The following ESYT2 variants were observed in gnomAD, a reference collection of about 807,000 sequenced individuals.
ESYT2 encodes the protein extended synaptotagmin-2.
Under a neutral mutation model 107.2 loss-of-function variants are expected in ESYT2, and 54 were observed. That is an observed-to-expected ratio of 0.50 (90% CI 0.40 to 0.63). ESYT2 has a LOEUF of 0.63. Among genes scored for constraint, ESYT2 ranks in the 30% least tolerant of loss-of-function variants. ESYT2 has a pLI of 0.00. For missense variants in ESYT2, 1,020 were observed against 1,094.5 expected, an observed-to-expected ratio of 0.93 and a Z score of 0.96; for synonymous variants, 491 against 434.1, an observed-to-expected ratio of 1.13 and a Z score of -1.63.
intron 17 of ESYT2, 108 bp downstream of exon 17, chr7:158,743,421 G>A (rs1161217511): frequency 1.4e-6 from 2 of 1,433,634 alleles, no homozygotes; most frequent in Non-Finnish European, 1.9e-6. Flanking sequence ...CAGAGCTGCA[G>A]CCGACACAGA....
chr7:158,756,677 G>A (rs565860614), intron 13 of ESYT2, among the ~76,000 whole-genome samples: 2 of 152,194 alleles, frequency 1.3e-5, no homozygotes, highest in African/African-American at 4.8e-5. Flanking sequence ...GGGAGGCCGA[G>A]GGGGGTGGAC....
At chr7:158,743,388 T>A in intron 17 of ESYT2, 141 bp downstream of exon 17, 1 of 1,031,080 alleles carries the variant, frequency 9.7e-7, no homozygotes, top group East Asian at 2.9e-5. Context: ...ATCTCCTCCC[T>A]GCACCGGCGC....
At chr7:158,771,709 C>T (rs569639763) in intron 7 of ESYT2, among the ~76,000 whole-genome samples, 7 of 152,238 alleles carry the variant, frequency 4.6e-5, no homozygotes, top group Non-Finnish European at 1.0e-4. Context: ...CGCCAGCTTT[C>T]CAGCTGCCGA....
intron 6 of ESYT2, among the ~76,000 whole-genome samples, chr7:158,781,750 G>C (rs935139770): frequency 9.2e-5 from 14 of 152,122 alleles, no homozygotes; most frequent in Admixed American, 2.6e-4. Context: ...TGAGAACAAA[G>C]TGTGAGAGAT....
intron 16 of ESYT2, among the ~76,000 whole-genome samples, chr7:158,747,552 C>CT (rs1837447658): frequency 1.3e-5 from 2 of 152,136 alleles, no homozygotes; most frequent in African/African-American, 4.8e-5. Flanking sequence ...TATCTACCCA[C>CT]TAACACCACA....
rs149257847 is a variant in ESYT2 at position 158,779,232 on chromosome 7, T to C, written c.748-5836A>G. Among the ~76,000 whole-genome samples the C allele has an allele frequency of 7.6e-3, 1,153 of 152,282 alleles. 18 individuals are homozygous for C. Among genetic ancestry groups the C allele is most frequent in the African/African-American group, 0.026 (1,087 of 41,562 alleles). The stretch of plus-strand genomic sequence containing the variant: ...TTATAGCAAAGAGCATGAAGGGTTA[T>C]TGGAGTAAGCTCAAAAACAAAGCAA... On this transcript the variant is annotated intron_variant, in intron 6 of 22. Transcript: ENST00000275418.
rs1338377072 is a variant in ESYT2, at chr7:158,788,061, C to T, written c.690G>A (p.Pro230=). 3.7e-6 allele frequency: 6 copies of T among 1,613,942 alleles called. No individual in the cohort carries two copies. Among genetic ancestry groups the T allele is most frequent in the Middle Eastern group, 1.6e-4 (1 of 6,082 alleles). ...CAACTAAGGGCATATCTCCAATCAA[C>T]GGTTCCAGGATCACCCGCATGGTAC... is the stretch of plus-strand genomic sequence containing the variant. The part of the protein sequence containing the change: ...IHGTMRVILE[P]LIGDMPLVGA... Residue 230 remains proline, a synonymous_variant, in exon 6 of 23, where the codon CCG becomes CCA. Coordinates refer to ENST00000275418, the MANE Select transcript of ESYT2 (RefSeq NM_001367773.1).
At chr7:158,809,988 C>G (rs1396592622) in intron 1 of ESYT2, among the ~76,000 whole-genome samples, 1 of 152,214 alleles carries the variant, frequency 6.6e-6, no homozygotes, top group Non-Finnish European at 1.5e-5. Flanking sequence ...CTCAATTAAA[C>G]TACGTTAAAC....
At chr7:158,813,285 CAGA>C (rs1395873155) in intron 1 of ESYT2, among the ~76,000 whole-genome samples, 1 of 152,146 alleles carries the variant, frequency 6.6e-6, no homozygotes, top group East Asian at 1.9e-4. Context: ...AATTGAAGCA[CAGA>C]AGATTTTAGG....
At chr7:158,776,656 C>T (rs1838576453) in intron 6 of ESYT2, among the ~76,000 whole-genome samples, 2 of 152,200 alleles carry the variant, frequency 1.3e-5, no homozygotes, top group South Asian at 4.1e-4. Flanking sequence ...ATCATCTCTC[C>T]AGGCACTAAA....
intron 15 of ESYT2, among the ~76,000 whole-genome samples, chr7:158,749,347 G>A (rs945032431): frequency 2.0e-5 from 3 of 152,134 alleles, no homozygotes; most frequent in African/African-American, 7.2e-5. Flanking sequence ...TCGAACTCCT[G>A]ACCTCAAGGG....
chr7:158,800,517 G>A (rs1839604860), intron 1 of ESYT2, among the ~76,000 whole-genome samples: 2 of 152,092 alleles, frequency 1.3e-5, no homozygotes, highest in Admixed American at 1.3e-4. Flanking sequence ...AGCTTCCTGA[G>A]TAGCTGGGAC....
In ESYT2 at chr7:158,731,799, A is replaced by G. The variant is rs1428176126; in HGVS notation, c.*2408T>C. 6.6e-6 allele frequency: 1 copy of G among 152,624 alleles called. No individual in the cohort carries two copies. The highest frequency in any genetic ancestry group is 1.5e-5 in the Non-Finnish European group (1 of 68,034). 9.5% of individuals were successfully genotyped at this position (152,624 alleles called of 1,614,324 possible). A position where few individuals can be genotyped will look rare whatever the true frequency, so the allele number is the denominator to read the frequency against. ...TTTCTTAGATAAACTGATTATTTAA[A>G]ACTGAAAATTAACGTTTTGACAACT... On this transcript the variant is annotated 3_prime_UTR_variant, in exon 23 of 23. Coordinates refer to ENST00000275418, the MANE Select transcript of ESYT2 (RefSeq NM_001367773.1).
chr7:158,822,400 G>T (rs1397343435), intron 1 of ESYT2, among the ~76,000 whole-genome samples: 1 of 152,164 alleles, frequency 6.6e-6, no homozygotes, highest in Non-Finnish European at 1.5e-5. Context: ...TTTGAAGCAT[G>T]ATTTCTATTG....
At chr7:158,781,208 AGT>A (rs765934833) in intron 6 of ESYT2, among the ~76,000 whole-genome samples, 15 of 152,274 alleles carry the variant, frequency 9.9e-5, no homozygotes, top group Non-Finnish European at 2.1e-4. Flanking sequence ...TGAGTGAACA[AGT>A]GTGAGAACAG....
intron 6 of ESYT2, among the ~76,000 whole-genome samples, chr7:158,774,577 T>C (rs1239789070): frequency 6.6e-6 from 1 of 152,182 alleles, no homozygotes; most frequent in Non-Finnish European, 1.5e-5. Flanking sequence ...CTCTTTTCTC[T>C]TACACAACTT....
chr7:158,791,363 T>C (rs760960732), intron 4 of ESYT2, among the ~76,000 whole-genome samples: 1 of 152,226 alleles, frequency 6.6e-6, no homozygotes, highest in African/African-American at 2.4e-5. Flanking sequence ...CTTGTAGCTA[T>C]TGTAAAAAAT....
chr7:158,740,956 G>A (rs141547137), intron 18 of ESYT2, among the ~76,000 whole-genome samples: 1 of 152,132 alleles, frequency 6.6e-6, no homozygotes, highest in African/African-American at 2.4e-5. Flanking sequence ...AGAGGAAAAG[G>A]TTAACATCTG....
At chr7:158,760,993 C>G (rs1837941138) in intron 11 of ESYT2, among the ~76,000 whole-genome samples, 1 of 152,162 alleles carries the variant, frequency 6.6e-6, no homozygotes, top group African/African-American at 2.4e-5. Flanking sequence ...TAGAAGCCAC[C>G]ACAAATGTTT....
Sources: gnomAD v4.1 joint callset for allele counts (sites outside exome capture counted in the v4.1 genomes callset) on GRCh38, gnomAD v4.1.1 for gene constraint, MANE v1.5 for transcripts, NCBI Gene and HGNC (gene_info 2026-07-23, HGNC 2026-07-21) for gene names.